Variants in MTHFD1L observed in about 807,000 individuals in gnomAD.
MTHFD1L encodes monofunctional C1-tetrahydrofolate synthase, mitochondrial.
Under a neutral mutation model 119.5 loss-of-function variants are expected in MTHFD1L, and 81 were observed. That is an observed-to-expected ratio of 0.68 (90% CI 0.57 to 0.82). The LOEUF is 0.82. MTHFD1L is among the 40% of genes least tolerant of loss of function. The pLI, the probability that MTHFD1L is intolerant of heterozygous loss-of-function variation, is 0.00. For synonymous variants in MTHFD1L, 430 were observed against 475.2 expected (o/e 0.90, Z 1.24); for missense variants, 1,125 against 1,253.4 (o/e 0.90, Z 1.55).
At chr6:150,914,099 C>T (rs1787440150) in intron 8 of MTHFD1L, among the ~76,000 whole-genome samples, 1 of 152,180 alleles carries the variant, frequency 6.6e-6, no homozygotes, top group Non-Finnish European at 1.5e-5. Context: ...CACTGCACTC[C>T]AGCCTGGGCG....
chr6:150,896,257 T>G (rs1784187557), intron 7 of MTHFD1L, among the ~76,000 whole-genome samples: 1 of 152,236 alleles, frequency 6.6e-6, no homozygotes, highest in South Asian at 2.1e-4. Context: ...GAATTCACTC[T>G]TATTTTGTTT....
chr6:150,959,441 A>G (rs1771816), intron 17 of MTHFD1L, among the ~76,000 whole-genome samples: 43,147 of 152,118 alleles, frequency 0.28, 6,451 homozygotes, highest in East Asian at 0.49. Context: ...GGAAGTACAC[A>G]TTCCTGTGTC....
intron 10 of MTHFD1L, among the ~76,000 whole-genome samples, chr6:150,924,424 G>A (rs1053639133): frequency 6.6e-6 from 1 of 151,756 alleles, no homozygotes; most frequent in African/African-American, 2.4e-5. Flanking sequence ...CTGCCCTCCT[G>A]TGCTCCCAAA....
chr6:150,877,889 T>A (rs1780717350), intron 4 of MTHFD1L, 63 bp downstream of exon 4: 3 of 1,582,852 alleles, frequency 1.9e-6, no homozygotes, highest in Non-Finnish European at 2.6e-6. Flanking sequence ...ATAGGCCCAT[T>A]GGCGTCTCTT....
chr6:151,092,324 A>G, intron 26 of MTHFD1L, 143 bp from the exon 27 acceptor site: 2 of 556,200 alleles, frequency 3.6e-6, no homozygotes, highest in Non-Finnish European at 6.2e-6. Flanking sequence ...GAAATATCAG[A>G]TGACAAATTT....
At chr6:150,910,765 T>G (rs539300151) in intron 8 of MTHFD1L, among the ~76,000 whole-genome samples, 1 of 152,252 alleles carries the variant, frequency 6.6e-6, no homozygotes, top group South Asian at 2.1e-4. Flanking sequence ...ACTTCCTGCA[T>G]TCCTCCCTCC....
rs545546686 is a variant in MTHFD1L at position 150,894,096 on chromosome 6, G to A, written c.780+6115G>A. 4.1e-4 allele frequency among the ~76,000 whole-genome samples: 63 copies of A among 152,212 alleles called. No individual in the cohort carries two copies. In the South Asian group the frequency reaches 8.3e-3, roughly 20 times the overall value. On this transcript the variant is annotated intron_variant, in intron 7 of 27. Coordinates refer to ENST00000367321, the MANE Select transcript of MTHFD1L (RefSeq NM_015440.5). ...CATCTCTAAAAAAGTACAAAAATTA[G>A]CCAGGCGTGGTGGCTGTAGTCCCAG...
At chr6:150,874,151 T>A (rs934393520) in intron 1 of MTHFD1L, among the ~76,000 whole-genome samples, 1 of 152,210 alleles carries the variant, frequency 6.6e-6, no homozygotes, top group Non-Finnish European at 1.5e-5. Flanking sequence ...ATTGGATGGA[T>A]GGATTTTAGT....
intron 26 of MTHFD1L, chr6:151,042,142 G>A (rs1430705352): frequency 2.3e-5 from 5 of 216,436 alleles, no homozygotes; most frequent in Non-Finnish European, 4.7e-5. Context: ...TTCCCAGCTC[G>A]TGGTCATCTA....
At chr6:151,022,938 C>T (rs561860175) in intron 24 of MTHFD1L, among the ~76,000 whole-genome samples, 51 of 152,236 alleles carry the variant, frequency 3.4e-4, no homozygotes, top group Admixed American at 7.8e-4. Flanking sequence ...ACAAGCCTCC[C>T]ATAAGCCTCT....
At chr6:150,935,364 C>G in intron 11 of MTHFD1L, 7 of 1,613,778 alleles carry the variant, frequency 4.3e-6, no homozygotes, top group Middle Eastern at 1.7e-4. Context: ...CTTATAGTTG[C>G]TAACAAACAA....
chr6:151,036,128 G>A (rs1401620655), intron 25 of MTHFD1L, among the ~76,000 whole-genome samples: 2 of 152,166 alleles, frequency 1.3e-5, no homozygotes, highest in East Asian at 3.8e-4. Flanking sequence ...TTCCTTAAAA[G>A]TGATGTCAAC....
intron 9 of MTHFD1L, among the ~76,000 whole-genome samples, chr6:150,921,115 C>T (rs1282718823): frequency 2.0e-5 from 3 of 150,832 alleles, no homozygotes; most frequent in East Asian, 2.0e-4. Flanking sequence ...CCACCACGCC[C>T]GGCTAATTTT....
At chr6:151,081,508 A>AT (rs1793168480) in intron 26 of MTHFD1L, among the ~76,000 whole-genome samples, 2 of 144,174 alleles carry the variant, frequency 1.4e-5, no homozygotes, top group African/African-American at 5.4e-5. Context: ...CAAAAAAAAA[A>AT]AAAAAAAAAA....
intron 15 of MTHFD1L, among the ~76,000 whole-genome samples, chr6:150,948,747 T>C (rs973384962): frequency 3.3e-5 from 5 of 150,954 alleles, no homozygotes; most frequent in African/African-American, 1.2e-4. Context: ...TTACAGCGAT[T>C]CTCCTGCCTC....
chr6:150,878,053 G>A (rs905708796), intron 4 of MTHFD1L, among the ~76,000 whole-genome samples: 4 of 152,190 alleles, frequency 2.6e-5, no homozygotes, highest in Admixed American at 2.6e-4. Context: ...TGTTGAGTTC[G>A]GTTGTGTTTC....
intron 27 of MTHFD1L, among the ~76,000 whole-genome samples, chr6:151,097,064 T>A (rs1232265783): frequency 1.4e-4 from 22 of 152,214 alleles, no homozygotes. Context: ...GAATGAAGGA[T>A]TTGATACTTT....
chr6:150,918,824 A>G (rs1245721238), intron 9 of MTHFD1L, among the ~76,000 whole-genome samples, 156 bp downstream of exon 9: 1 of 152,220 alleles, frequency 6.6e-6, no homozygotes, highest in Non-Finnish European at 1.5e-5. Context: ...GTGATTTTGA[A>G]AAATGAAGTG....
chr6:151,007,246 G>A lies in MTHFD1L; in HGVS notation c.2126-2573G>A, dbSNP rs76079677. Among the ~76,000 whole-genome samples, 284 of 151,838 alleles carry A rather than the reference G, an allele frequency of 1.9e-3. 6 individuals are homozygous for A. The East Asian group carries it at 0.046, about 25-fold the overall frequency. ...TCTCCAACCCTCCCAGGCAAACTCC[G>A]TCCCTCCCAGTGTGCCGCCCTCCAG... On this transcript the variant is annotated intron_variant, in intron 20 of 27. Coordinates refer to ENST00000367321, the MANE Select transcript of MTHFD1L (RefSeq NM_015440.5).
Sources: allele counts gnomAD v4.1 joint callset (sites outside exome capture counted in the v4.1 genomes callset), GRCh38; gene constraint gnomAD v4.1.1; transcripts MANE v1.5; gene names NCBI Gene and HGNC (gene_info 2026-07-23, HGNC 2026-07-21).